NLGN1: variants seen among roughly 807,000 people sequenced by gnomAD.
NLGN1 encodes neuroligin 1, also known as neuroligin-1.
A neutral mutation model predicts 65.5 loss-of-function variants in NLGN1; 12 were observed. The observed-to-expected ratio is 0.18, with a 90% CI of 0.12 to 0.30. The LOEUF is 0.30. Ranked by LOEUF, NLGN1 falls within the 10% of genes least tolerant of loss-of-function variation. The probability of loss-of-function intolerance (pLI) is 1.00; values close to 1 mark genes in which losing one functional copy is unlikely to be tolerated. For missense variants in NLGN1, 750 were observed against 1,007.1 expected, an observed-to-expected ratio of 0.74 and a Z score of 3.46; for synonymous variants, 350 against 359.5, an observed-to-expected ratio of 0.97 and a Z score of 0.30.
intron 3 of NLGN1, among the ~76,000 whole-genome samples, chr3:173,732,412 GC>G (rs998913533): frequency 2.0e-5 from 3 of 152,092 alleles, no homozygotes; most frequent in Non-Finnish European, 4.4e-5. Flanking sequence ...AGTTAATGTA[GC>G]CCTAAGATGC....
intron 3 of NLGN1, among the ~76,000 whole-genome samples, chr3:173,805,465 A>G (rs1716438160): frequency 6.6e-6 from 1 of 152,204 alleles, no homozygotes; most frequent in African/African-American, 2.4e-5. Flanking sequence ...ACCACTCAAA[A>G]TAGCTCCTAG....
intron 2 of NLGN1, among the ~76,000 whole-genome samples, chr3:173,496,524 T>C (rs1289347365): frequency 1.3e-5 from 2 of 151,858 alleles, no homozygotes; most frequent in Non-Finnish European, 2.9e-5. Flanking sequence ...TGGGAATATC[T>C]GAGATACACT....
chr3:173,466,492 G>A (rs1352056192), intron 2 of NLGN1, among the ~76,000 whole-genome samples: 1 of 152,128 alleles, frequency 6.6e-6, no homozygotes, highest in Non-Finnish European at 1.5e-5. Flanking sequence ...GTGCAGAATA[G>A]GCTCCTGAGT....
intron 2 of NLGN1, among the ~76,000 whole-genome samples, chr3:173,565,227 G>A (rs1038397814): frequency 1.3e-5 from 2 of 152,218 alleles, no homozygotes; most frequent in Non-Finnish European, 1.5e-5. Context: ...ACAGTAGTCA[G>A]TTCCAGGCAC....
intron 3 of NLGN1, among the ~76,000 whole-genome samples, chr3:173,747,684 T>C (rs192913071): frequency 2.8e-3 from 417 of 151,458 alleles, no homozygotes; most frequent in Non-Finnish European, 4.2e-3. Flanking sequence ...AGGAATGATA[T>C]ACTCTTTGTT....
At chr3:173,517,256 T>A (rs2149118455) in intron 2 of NLGN1, among the ~76,000 whole-genome samples, 1 of 152,176 alleles carries the variant, frequency 6.6e-6, no homozygotes, top group South Asian at 2.1e-4. Context: ...AGAAGGGAAT[T>A]CAGTGTTAGA....
At chr3:174,117,972 A>G (rs764937911) in intron 4 of NLGN1, among the ~76,000 whole-genome samples, 4 of 152,162 alleles carry the variant, frequency 2.6e-5, no homozygotes. Context: ...TTCCATATGC[A>G]GGAAATAAAT....
At chr3:174,035,801 G>A (rs922042212) in intron 4 of NLGN1, among the ~76,000 whole-genome samples, 3 of 152,008 alleles carry the variant, frequency 2.0e-5, no homozygotes, top group African/African-American at 7.2e-5. Context: ...TAGTATTGCT[G>A]GTGAAACTGC....
chr3:173,785,499 G>A (rs1256587113), intron 3 of NLGN1, among the ~76,000 whole-genome samples: 1 of 151,910 alleles, frequency 6.6e-6, no homozygotes, highest in African/African-American at 2.4e-5. Context: ...TAGTAGGGTG[G>A]GCATTTTTTG....
chr3:173,633,983 G>T (rs1756165930), intron 3 of NLGN1, among the ~76,000 whole-genome samples: 1 of 152,084 alleles, frequency 6.6e-6, no homozygotes, highest in African/African-American at 2.4e-5. Context: ...ATTCTGAGAT[G>T]ATGTGATAAA....
intron 4 of NLGN1, among the ~76,000 whole-genome samples, chr3:173,951,457 C>CTTTTTTT (rs67595515): frequency 5.6e-5 from 8 of 142,606 alleles, no homozygotes; most frequent in Non-Finnish European, 9.2e-5. Flanking sequence ...AGGTATCATT[C>CTTTTTTT]TTTTTTTTTT....
intron 4 of NLGN1, among the ~76,000 whole-genome samples, chr3:173,900,789 T>C (rs1409663957): frequency 6.6e-6 from 1 of 151,988 alleles, no homozygotes; most frequent in East Asian, 1.9e-4. Context: ...AGAGTAATCC[T>C]AGAATGACAG....
chr3:173,489,745 T>G, intron 2 of NLGN1, among the ~76,000 whole-genome samples: 1 of 151,778 alleles, frequency 6.6e-6, no homozygotes, highest in East Asian at 1.9e-4. Flanking sequence ...CTCCAGCACC[T>G]GTTGTTTCCT....
intron 3 of NLGN1, among the ~76,000 whole-genome samples, chr3:173,631,176 A>C (rs1755625980): frequency 6.6e-6 from 1 of 152,080 alleles, no homozygotes; most frequent in Non-Finnish European, 1.5e-5. Flanking sequence ...ATCATTATCA[A>C]CTCTCTATGA....
chr3:174,218,532 C>G (rs4894659), intron 4 of NLGN1, among the ~76,000 whole-genome samples: 93,044 of 151,806 alleles, frequency 0.61, 30,126 homozygotes, highest in East Asian at 0.77. Flanking sequence ...CTCTTACAGC[C>G]TTGAGAACCT....
intron 2 of NLGN1, among the ~76,000 whole-genome samples, chr3:173,591,831 C>G (rs925315233): frequency 1.3e-4 from 20 of 152,160 alleles, no homozygotes; most frequent in African/African-American, 4.8e-4. Flanking sequence ...GCTAGCTTCT[C>G]TATAAAGATA....
At chr3:174,231,856 A>G (rs941023253) in intron 4 of NLGN1, among the ~76,000 whole-genome samples, 3 of 152,086 alleles carry the variant, frequency 2.0e-5, no homozygotes, top group African/African-American at 7.2e-5. Flanking sequence ...GGTTGTTTAG[A>G]GGAATTATTT....
intron 3 of NLGN1, among the ~76,000 whole-genome samples, chr3:173,758,772 T>C (rs574050462): frequency 2.0e-5 from 3 of 152,128 alleles, no homozygotes; most frequent in African/African-American, 7.2e-5. Flanking sequence ...AAGCAGTTAC[T>C]ATACCCAATT....
At chr3:173,499,485 G>A (rs1730632839) in intron 2 of NLGN1, among the ~76,000 whole-genome samples, 1 of 151,768 alleles carries the variant, frequency 6.6e-6, no homozygotes, top group Non-Finnish European at 1.5e-5. Flanking sequence ...AAGTCAGGTA[G>A]CGTGATGCCT....
Sources: allele counts gnomAD v4.1 joint callset (sites outside exome capture counted in the v4.1 genomes callset), GRCh38; gene constraint gnomAD v4.1.1; transcripts MANE v1.5; gene names NCBI Gene and HGNC (gene_info 2026-07-23, HGNC 2026-07-21).